The following GPAT3 variants were observed in gnomAD, a reference collection of about 807,000 sequenced individuals.
GPAT3 encodes the protein 1-AGP acyltransferase 9.
Under a neutral mutation model 58.8 loss-of-function variants are expected in GPAT3, and 53 were observed. That is an observed-to-expected ratio of 0.90 (90% CI 0.72 to 1.13). GPAT3 has a LOEUF of 1.13. Ranked by LOEUF, GPAT3 falls within the 50% of genes most tolerant of loss-of-function variation. The pLI is 0.00. For missense variants in GPAT3, 511 were observed against 527.6 expected (o/e 0.97, Z 0.31); for synonymous variants, 197 against 187.4 (o/e 1.05, Z -0.42).
At chr4:83,557,563 G>A (rs1310559325) in intron 2 of GPAT3, among the ~76,000 whole-genome samples, 1 of 152,196 alleles carries the variant, frequency 6.6e-6, no homozygotes, top group Non-Finnish European at 1.5e-5. Context: ...AATGTTGAAT[G>A]TGGCCCAACA....
intron 11 of GPAT3, among the ~76,000 whole-genome samples, chr4:83,603,124 TGCTTAACTGGGTTAAAATTAAACAGTC>T (rs1727121045): frequency 6.6e-6 from 1 of 152,226 alleles, no homozygotes; most frequent in African/African-American, 2.4e-5. Flanking sequence ...TAAACATGCA[TGCTTAACTGGGTTAAAATTAAACAGTC>T]AGAGTATAAA....
At chr4:83,583,022 G>A (rs1726214997) in intron 3 of GPAT3, among the ~76,000 whole-genome samples, 2 of 152,176 alleles carry the variant, frequency 1.3e-5, no homozygotes, top group South Asian at 4.1e-4. Context: ...TTCTGGCTGG[G>A]TGCAGTGGCT....
At chr4:83,592,958 C>T (rs981359329) in intron 6 of GPAT3, among the ~76,000 whole-genome samples, 2 of 151,558 alleles carry the variant, frequency 1.3e-5, no homozygotes, top group Non-Finnish European at 2.9e-5. Context: ...CCTCCGCCTC[C>T]CAGGTTCAAG....
chr4:83,590,885 CTTTTTTTTTT>C (rs5859882), intron 6 of GPAT3, among the ~76,000 whole-genome samples: 22 of 114,328 alleles, frequency 1.9e-4, no homozygotes, highest in Non-Finnish European at 2.5e-4. Context: ...GAATCATATT[CTTTTTTTTTT>C]TTTTTTTTTT....
intron 2 of GPAT3, among the ~76,000 whole-genome samples, chr4:83,562,211 T>TTATATATATATATAATATATATATATTA (rs1458086118): frequency 1.4e-5 from 1 of 73,008 alleles, no homozygotes; most frequent in Non-Finnish European, 2.5e-5. Context: ...TATATATATA[T>TTATATATATATATAATATATATATATTA]TATATATATA....
intron 2 of GPAT3, among the ~76,000 whole-genome samples, chr4:83,565,636 C>T (rs1725352652): frequency 6.6e-6 from 1 of 152,296 alleles, no homozygotes; most frequent in African/African-American, 2.4e-5. Flanking sequence ...GCTGGGATTA[C>T]AGGCACCTGC....
intron 5 of GPAT3, among the ~76,000 whole-genome samples, chr4:83,589,767 C>T (rs1185220298): frequency 6.6e-6 from 1 of 151,992 alleles, no homozygotes; most frequent in Non-Finnish European, 1.5e-5. Context: ...AAAGATGGGC[C>T]CGTGTACCTC....
chr4:83,602,648 C>A (rs1357747080), intron 11 of GPAT3, among the ~76,000 whole-genome samples: 1 of 152,124 alleles, frequency 6.6e-6, no homozygotes. Flanking sequence ...GTGCTTAGAG[C>A]AGCATGAGGT....
At position 83,544,519 on chromosome 4, in the gene GPAT3, T is replaced by G; in HGVS notation, c.142-17T>G. ...TCTGTGGGACAGTTTAAATTAATAT[T>G]TCTTGTTTTTGAACAGTGGGCCACA... On this transcript the variant is annotated splice_polypyrimidine_tract_variant and intron_variant, in intron 1 of 11. Coordinates refer to ENST00000264409, the MANE Select transcript of GPAT3 (RefSeq NM_032717.5). 1 of 1,612,632 alleles carries G rather than the reference T, an allele frequency of 6.2e-7. No individual in the cohort carries two copies. The highest frequency in any genetic ancestry group is 8.5e-7 in the Non-Finnish European group (1 of 1,178,698).
At chr4:83,584,535 G>A (rs1296071215) in intron 3 of GPAT3, among the ~76,000 whole-genome samples, 2 of 152,106 alleles carry the variant, frequency 1.3e-5, no homozygotes, top group Non-Finnish European at 2.9e-5. Context: ...TTATTTTTAT[G>A]ATGAGATAGA....
rs1016867129 is a variant in GPAT3, at chr4:83,536,409, G to A, written c.-214G>A. On this transcript the variant is annotated 5_prime_UTR_variant, in exon 1 of 12. Transcript: ENST00000264409. The stretch of plus-strand genomic sequence containing the variant: ...CAGACCTGGGCAGCCAGCGGAGAAA[G>A]AGTTAACTGGCAGGGGCGAGGAGGA... The A allele has an allele frequency of 1.5e-5, 21 of 1,357,722 alleles. No homozygotes were observed. Among genetic ancestry groups the A allele is most frequent in the Admixed American group, 6.6e-5 (2 of 30,234 alleles). 84.1% of individuals were successfully genotyped at this position (1,357,722 alleles called of 1,614,324 possible).
intron 6 of GPAT3, 49 bp from the exon 7 acceptor site, chr4:83,594,796 T>G (rs1176244021): frequency 1.3e-6 from 2 of 1,512,128 alleles, no homozygotes; most frequent in East Asian, 4.5e-5. Context: ...AAACTTTCTT[T>G]GCACAACGGT....
At chr4:83,570,821 G>A (rs1725577584) in intron 2 of GPAT3, among the ~76,000 whole-genome samples, 2 of 152,032 alleles carry the variant, frequency 1.3e-5, no homozygotes, top group Admixed American at 6.6e-5. Flanking sequence ...AAAAAAAATT[G>A]AGGTATAATT....
Position 83,536,505 on chromosome 4 carries a change from G to A in GPAT3, c.-118G>A. 1.3e-6 allele frequency: 2 copies of A among 1,502,696 alleles called. No individual in the cohort carries two copies. The highest frequency in any genetic ancestry group is 2.3e-5 in the East Asian group (1 of 43,582). The allele number at this position is 1,502,696 out of a possible 1,614,324, so 93.1% of individuals were successfully genotyped here. A position where few individuals can be genotyped will look rare whatever the true frequency, so the allele number is the denominator to read the frequency against. On this transcript the variant is annotated 5_prime_UTR_variant, in exon 1 of 12. Coordinates refer to ENST00000264409, the MANE Select transcript of GPAT3 (RefSeq NM_032717.5). Reference sequence around the variant, plus strand: ...TTCCTTCCTCTCTTCCCTTCGCAGAGGTGAGTGCCGGGCTCGGCGCTCTGC... The same window carrying A: ...TTCCTTCCTCTCTTCCCTTCGCAGAAGTGAGTGCCGGGCTCGGCGCTCTGC...
intron 7 of GPAT3, among the ~76,000 whole-genome samples, chr4:83,595,938 G>T (rs557166279): frequency 2.6e-5 from 4 of 152,274 alleles, no homozygotes; most frequent in South Asian, 4.1e-4. Flanking sequence ...TTAGAAAAAC[G>T]ATTCCCTATC....
intron 2 of GPAT3, among the ~76,000 whole-genome samples, chr4:83,544,924 G>A (rs112615847): frequency 6.6e-6 from 1 of 152,088 alleles, no homozygotes; most frequent in Admixed American, 6.6e-5. Context: ...AAGGCTAATG[G>A]GAGTTCCTGG....
chr4:83,573,919 G>T (rs1725693759), intron 2 of GPAT3, among the ~76,000 whole-genome samples: 2 of 152,002 alleles, frequency 1.3e-5, no homozygotes, highest in South Asian at 2.1e-4. Context: ...ATTCCCCCAA[G>T]GCCCCCTTCC....
intron 4 of GPAT3, 55 bp from the exon 5 acceptor site, chr4:83,588,155 A>G (rs1726454663): frequency 1.3e-6 from 2 of 1,494,180 alleles, no homozygotes; most frequent in Middle Eastern, 1.7e-4. Flanking sequence ...CCTTTATTAT[A>G]TTGTTTCTTA....
intron 2 of GPAT3, among the ~76,000 whole-genome samples, chr4:83,566,612 G>C (rs1725398966): frequency 6.6e-6 from 1 of 151,296 alleles, no homozygotes; most frequent in Non-Finnish European, 1.5e-5. Context: ...ATATGATCTT[G>C]AGATTCAGCT....
Sources: gnomAD v4.1 joint callset for allele counts (sites outside exome capture counted in the v4.1 genomes callset) on GRCh38, gnomAD v4.1.1 for gene constraint, MANE v1.5 for transcripts, NCBI Gene and HGNC (gene_info 2026-07-23, HGNC 2026-07-21) for gene names.